ECPAS: variants seen among roughly 807,000 people sequenced by gnomAD.
The protein encoded by ECPAS is Ecm29 proteasome adaptor and scaffold, also known as proteasome adapter and scaffold protein ECM29.
A neutral mutation model predicts 255.1 loss-of-function variants in ECPAS; 70 were observed. That is an observed-to-expected ratio of 0.27 (90% CI 0.23 to 0.33). The LOEUF (loss-of-function observed/expected upper bound fraction) is 0.33, where lower values mean the gene tolerates loss of function less well. ECPAS is among the 10% of genes least tolerant of loss of function. The pLI is 1.00. For synonymous variants in ECPAS, 784 were observed against 775.0 expected, an observed-to-expected ratio of 1.01 and a Z score of -0.19; for missense variants, 1,817 against 2,206.4, an observed-to-expected ratio of 0.82 and a Z score of 3.54.
chr9:111,384,114 G>A (rs2098144083), intron 34 of ECPAS, among the ~76,000 whole-genome samples: 1 of 152,104 alleles, frequency 6.6e-6, no homozygotes, highest in Non-Finnish European at 1.5e-5. Flanking sequence ...TGTGCAACTA[G>A]AATGTAAAGT....
chr9:111,442,634 G>A (rs1378248233), intron 4 of ECPAS, among the ~76,000 whole-genome samples: 1 of 152,162 alleles, frequency 6.6e-6, no homozygotes, highest in East Asian at 1.9e-4. Context: ...TTGCTTTAAA[G>A]TAGGCCTAAT....
At chr9:111,479,255 A>G (rs1589246852) in intron 1 of ECPAS, among the ~76,000 whole-genome samples, 1 of 152,208 alleles carries the variant, frequency 6.6e-6, no homozygotes, top group Admixed American at 6.5e-5. Flanking sequence ...TTTGAAATGC[A>G]TAAAAAAAGA....
rs755733203 is a variant in ECPAS, at chr9:111,373,359, C to T, written c.4225G>A (p.Val1409Met). ...GCAAATGCACAAGATTTCTGAATCA[C>T]ACTGTTCCGATCTGTCAGGCCACTC... ...LLSGLTDRNSVIQKSCAFAMG... is the reference protein window; with the variant it reads ...LLSGLTDRNSMIQKSCAFAMG... Residue 1409 changes from valine to methionine, a missense_variant, in exon 40 of 50, where the codon GTG becomes ATG. By Grantham distance (21) the Val-to-Met change is conservative (BLOSUM62 1). Around this residue, in one of 4 missense-constraint regions of ECPAS, gnomAD observed 960 missense variants for 1,179.0 expected, o/e 0.81. Transcript: ENST00000684092. The T allele has an allele frequency of 6.2e-7, 1 of 1,613,814 alleles. No individual in the cohort carries two copies. Among genetic ancestry groups the T allele is most frequent in the Admixed American group, 1.7e-5 (1 of 60,022 alleles).
At chr9:111,457,397 T>C (rs1246388778) in intron 2 of ECPAS, among the ~76,000 whole-genome samples, 2 of 152,146 alleles carry the variant, frequency 1.3e-5, no homozygotes, top group Non-Finnish European at 2.9e-5. Flanking sequence ...GAAAAAATTA[T>C]TAGACTGTGA....
At position 111,393,705 on chromosome 9, in the gene ECPAS, A is replaced by T; in HGVS notation, c.2952T>A (p.Phe984Leu). 1 of 1,587,950 alleles carries T rather than the reference A, an allele frequency of 6.3e-7. No individual in the cohort carries two copies. Residue 984 changes from phenylalanine (F) to leucine (L), a missense_variant, in exon 27 of 50, where the codon TTT (phenylalanine) becomes TTA (leucine). Phe to Leu is a conservative substitution (Grantham distance 22). Around this residue, in one of 4 missense-constraint regions of ECPAS, gnomAD observed 960 missense variants for 1,179.0 expected, o/e 0.81. Transcript: ENST00000684092. ...CATCATTTTCTGATAGAACTGAAAC[A>T]AATGCACTTTGAATTTCTTTAAGAT... ...KSHLKEIQSA[F>L]VSVLSENDEL... is the part of the protein sequence containing the mutation.
chr9:111,365,354 G>A lies in ECPAS; in HGVS notation c.5308+885C>T, dbSNP rs796391710. ...GGACTGGATTCCCTAATGGAGGGGA[G>A]GGGGAAAAAATCCTATAAAGAACAT... On this transcript the variant is annotated intron_variant, in intron 48 of 49. Coordinates refer to ENST00000684092, the MANE Select transcript of ECPAS (RefSeq NM_001364929.1). 1.4e-4 allele frequency among the ~76,000 whole-genome samples: 21 copies of A among 151,670 alleles called. 1 individual carries two copies. The highest frequency in any genetic ancestry group is 4.8e-4 in the African/African-American group (20 of 41,368).
chr9:111,385,679 G>A (rs903937424), intron 32 of ECPAS, among the ~76,000 whole-genome samples: 2 of 152,110 alleles, frequency 1.3e-5, no homozygotes, highest in African/African-American at 2.4e-5. Context: ...ATGACACATC[G>A]TTTTTTATTC....
chr9:111,362,292 A>G (rs1027809777), intron 49 of ECPAS, 123 bp from the exon 50 acceptor site: 1 of 714,142 alleles, frequency 1.4e-6, no homozygotes, highest in Non-Finnish European at 2.2e-6. Flanking sequence ...CCCCAAATAA[A>G]TGCAAAGCAA....
intron 39 of ECPAS, 102 bp from the exon 40 acceptor site, chr9:111,373,508 T>A (rs752621871): frequency 1.2e-6 from 1 of 855,164 alleles, no homozygotes; most frequent in Non-Finnish European, 1.9e-6. Flanking sequence ...AACATCTGAT[T>A]TACTCCACAG....
intron 2 of ECPAS, among the ~76,000 whole-genome samples, chr9:111,466,997 C>T (rs1048823994): frequency 1.3e-5 from 2 of 152,184 alleles, no homozygotes; most frequent in African/African-American, 4.8e-5. Flanking sequence ...ACACTCCCTC[C>T]TCCTACCCGC....
In ECPAS at chr9:111,416,315, G is replaced by C. The variant is rs2098203454; in HGVS notation, c.1721C>G (p.Thr574Ser). Residue 574 changes from threonine to serine, a missense_variant, in exon 18 of 50, where the codon ACC (threonine) becomes AGC (serine). Coordinates refer to ENST00000684092, the MANE Select transcript of ECPAS (RefSeq NM_001364929.1). ...GTTAAATGGAAGGACAGTGGTCCCGGTCATGTACTTGACTGGAGTTTTCAT... is the reference window on the plus strand; with the variant it reads ...GTTAAATGGAAGGACAGTGGTCCCGCTCATGTACTTGACTGGAGTTTTCAT... The part of the protein sequence containing the change: ...HRMKTPVKYM[T>S]GTTVLPFNPA... 3 of 1,613,566 alleles carry C rather than the reference G, an allele frequency of 1.9e-6. No individual in the cohort carries two copies. Among genetic ancestry groups the C allele is most frequent in the African/African-American group, 2.7e-5 (2 of 74,898 alleles).
intron 24 of ECPAS, among the ~76,000 whole-genome samples, chr9:111,408,324 C>G (rs1359276684): frequency 6.6e-6 from 1 of 152,120 alleles, no homozygotes; most frequent in African/African-American, 2.4e-5. Flanking sequence ...GATATGTTTC[C>G]CCTTCTACCC....
At chr9:111,428,440 ATAAC>A (rs1589185399) in intron 9 of ECPAS, among the ~76,000 whole-genome samples, 1 of 152,234 alleles carries the variant, frequency 6.6e-6, no homozygotes, top group East Asian at 1.9e-4. Flanking sequence ...TTTATAAAAA[ATAAC>A]TATTTTCCAA....
chr9:111,399,520 C>T (rs771065215), intron 24 of ECPAS, among the ~76,000 whole-genome samples: 1 of 152,134 alleles, frequency 6.6e-6, no homozygotes, highest in African/African-American at 2.4e-5. Context: ...CTGCCAGTGC[C>T]CAAGGAGGGA....
In ECPAS at chr9:111,382,008, A is replaced by AACACAC. The variant is rs72204951; in HGVS notation, c.3803+1197_3803+1202dup. Among the ~76,000 whole-genome samples the AACACAC allele has an allele frequency of 9.7e-3, 1,425 of 147,122 alleles. 18 individuals carry two copies. Among genetic ancestry groups the AACACAC allele is most frequent in the African/African-American group, 0.033 (1,307 of 40,018 alleles). On this transcript the variant is annotated intron_variant, in intron 35 of 49. Coordinates refer to ENST00000684092, the MANE Select transcript of ECPAS (RefSeq NM_001364929.1). Reference sequence around the variant, plus strand: ...ACTGAGTTCACGTTCAATTTTGTAAAACACACACACACACACACACACACA... The same window carrying AACACAC: ...ACTGAGTTCACGTTCAATTTTGTAAAACACACACACACACACACACACACACACACA...
chr9:111,394,827 C>T (rs923681047), intron 25 of ECPAS, among the ~76,000 whole-genome samples: 28 of 152,186 alleles, frequency 1.8e-4, no homozygotes, highest in African/African-American at 6.8e-4. Context: ...AGTGTCTAGA[C>T]ATTACCAAGT....
At chr9:111,417,812 CACTTT>C in intron 17 of ECPAS, 66 bp downstream of exon 17, 1 of 1,350,726 alleles carries the variant, frequency 7.4e-7, no homozygotes, top group Non-Finnish European at 9.9e-7. Flanking sequence ...TTACATTTTT[CACTTT>C]AAAGATGTTT....
chr9:111,415,658 C>T (rs1317877215), intron 18 of ECPAS, among the ~76,000 whole-genome samples: 1 of 150,198 alleles, frequency 6.7e-6, no homozygotes, highest in African/African-American at 2.5e-5. Context: ...GAGATCACGC[C>T]ATTCACTGTA....
At position 111,410,091 on chromosome 9, in the gene ECPAS, G is replaced by C; in HGVS notation, c.2500C>G (p.Leu834Val). The change falls in exon 23 of 50, where the codon CTT (leucine) becomes GTT (valine). Residue 834 changes from leucine to valine, a missense_variant. By Grantham distance (32) the Leu-to-Val change is conservative (BLOSUM62 1). Coordinates refer to ENST00000684092, the MANE Select transcript of ECPAS (RefSeq NM_001364929.1). The stretch of plus-strand genomic sequence containing the variant: ...ATTCTACTTAGTAAGCTTTCTACAA[G>C]ATGCAATTTGGTAAAGCCAGATCCC... The part of the protein sequence containing the change: ...SEGSGFTKLH[L>V]VESLLSRIPS... The C allele has an allele frequency of 6.3e-7, 1 of 1,594,200 alleles. No homozygotes were observed. Among genetic ancestry groups the C allele is most frequent in the South Asian group, 1.1e-5 (1 of 87,756 alleles).
Sources: allele counts gnomAD v4.1 joint callset (sites outside exome capture counted in the v4.1 genomes callset), GRCh38; gene constraint gnomAD v4.1.1; regional missense constraint gnomAD v4.1.1; transcripts MANE v1.5; gene names NCBI Gene and HGNC (gene_info 2026-07-23, HGNC 2026-07-21).